Variants in ARFGEF3 observed in about 807,000 individuals in gnomAD.
ARFGEF3 encodes the protein brefeldin A-inhibited guanine nucleotide-exchange protein 3.
A neutral mutation model predicts 221.7 loss-of-function variants in ARFGEF3; 96 were observed. The observed-to-expected ratio is 0.43, with a 90% confidence interval of 0.37 to 0.51. ARFGEF3 has a LOEUF of 0.51. ARFGEF3 is among the 20% of genes least tolerant of loss of function. ARFGEF3 has a pLI of 0.00. For missense variants in ARFGEF3, 2,410 were observed against 2,789.9 expected (o/e 0.86, Z 3.07); for synonymous variants, 1,145 against 1,126.8 (o/e 1.02, Z -0.32).
chr6:138,319,585 T>C (rs1416923712), intron 27 of ARFGEF3, 118 bp from the exon 28 acceptor site: 1 of 705,180 alleles, frequency 1.4e-6, no homozygotes, highest in African/African-American at 1.8e-5. Flanking sequence ...TAAATTATTT[T>C]TCCCTGCACT....
At chr6:138,226,723 T>C (rs1050559821) in intron 4 of ARFGEF3, among the ~76,000 whole-genome samples, 4 of 152,240 alleles carry the variant, frequency 2.6e-5, no homozygotes, top group African/African-American at 7.2e-5. Context: ...CATTATGCAA[T>C]GGAAGTCAGA....
intron 12 of ARFGEF3, among the ~76,000 whole-genome samples, chr6:138,264,387 T>A (rs1196532925): frequency 1.3e-5 from 2 of 152,106 alleles, no homozygotes; most frequent in Admixed American, 1.3e-4. Context: ...AAATTTATGG[T>A]GGGAATAAAT....
rs763903484 is a variant in ARFGEF3 at position 138,263,623 on chromosome 6, A to G, written c.2128+12A>G. ...TACTTTCTGCTCAGGTTTGTAAACA[A>G]TTCTCTGCTGTATAGTCAACAAGAT... On this transcript the variant is annotated intron_variant, in intron 12 of 33. Transcript: ENST00000251691. 3 of 1,583,918 alleles carry G rather than the reference A, an allele frequency of 1.9e-6. No individual in the cohort carries two copies. Among genetic ancestry groups the G allele is most frequent in the Non-Finnish European group, 2.6e-6 (3 of 1,166,930 alleles).
chr6:138,246,131 T>C (rs114590665), intron 8 of ARFGEF3, among the ~76,000 whole-genome samples: 1,565 of 152,338 alleles, frequency 0.01, 21 homozygotes, highest in African/African-American at 0.035. Context: ...AATATCTGAG[T>C]TCACTTAGGT....
intron 22 of ARFGEF3, among the ~76,000 whole-genome samples, chr6:138,305,027 A>C (rs1423807666): frequency 3.9e-5 from 6 of 152,052 alleles, no homozygotes; most frequent in Non-Finnish European, 8.8e-5. Context: ...GCAATAATTA[A>C]ATCAGTTCTT....
intron 4 of ARFGEF3, among the ~76,000 whole-genome samples, chr6:138,226,677 C>T (rs972198758): frequency 7.9e-5 from 12 of 152,168 alleles, no homozygotes; most frequent in Admixed American, 7.2e-4. Flanking sequence ...ATGGGGCCAG[C>T]GTGCTCAGAA....
Position 138,243,521 on chromosome 6 carries a change from C to A in ARFGEF3, c.586+527C>A, listed in dbSNP as rs369689990. Among the ~76,000 whole-genome samples the A allele has an allele frequency of 3.9e-5, 6 of 152,032 alleles. No homozygotes were observed. The East Asian group carries it at 1.2e-3, about 29-fold the overall frequency. On this transcript the variant is annotated intron_variant, in intron 7 of 33. Coordinates refer to ENST00000251691, the MANE Select transcript of ARFGEF3 (RefSeq NM_020340.5). The stretch of plus-strand genomic sequence containing the variant: ...CAGGAAAAGAAAAAATATAGAAGTC[C>A]ACATATATAATTAACCAGCAATTTA...
Position 138,200,060 on chromosome 6 carries a change from A to G in ARFGEF3, c.138-6982A>G, listed in dbSNP as rs80220513. On this transcript the variant is annotated intron_variant, in intron 2 of 33. Coordinates refer to ENST00000251691, the MANE Select transcript of ARFGEF3 (RefSeq NM_020340.5). ...ATTAAGGTATGTCCCCTGTATGCCA[A>G]TTTTGCTGAGGGTTTTAATCATAAA... Among the ~76,000 whole-genome samples the G allele has an allele frequency of 9.7e-3, 1,477 of 152,250 alleles. 30 individuals are homozygous for G. Among genetic ancestry groups the G allele is most frequent in the African/African-American group, 0.033 (1,381 of 41,524 alleles).
chr6:138,217,582 T>A (rs1393515575), intron 4 of ARFGEF3: 1 of 161,928 alleles, frequency 6.2e-6, no homozygotes, highest in East Asian at 1.8e-4. Context: ...CTTGAACATT[T>A]CACTAGTTAC....
Position 138,210,042 on chromosome 6 carries a change from G to A in ARFGEF3, c.351+1G>A. On this transcript the variant is annotated splice_donor_variant, in intron 4 of 33. Transcript: ENST00000251691. LOFTEE classifies it high-confidence loss of function. ...GGACCTGCAGGTGGAAGTGATGAAG[G>A]TTGGTTTGACGTGGCCAAGAGTGTG... 1 of 1,613,392 alleles carries A rather than the reference G, an allele frequency of 6.2e-7. No individual in the cohort carries two copies. The highest frequency in any genetic ancestry group is 8.5e-7 in the Non-Finnish European group (1 of 1,179,600).
At chr6:138,217,132 A>AT (rs1311642741) in intron 4 of ARFGEF3, 6 of 152,098 alleles carry the variant, frequency 3.9e-5, no homozygotes, top group African/African-American at 1.4e-4. Flanking sequence ...TGAGATGGAG[A>AT]TTTTCATATT....
At chr6:138,193,495 A>AT (rs1479740614) in intron 2 of ARFGEF3, among the ~76,000 whole-genome samples, 1 of 152,214 alleles carries the variant, frequency 6.6e-6, no homozygotes, top group Non-Finnish European at 1.5e-5. Flanking sequence ...TGTGTCTAAC[A>AT]TTTCACACAG....
chr6:138,319,610 A>G (rs576508834), intron 27 of ARFGEF3, 93 bp from the exon 28 acceptor site: 21 of 839,890 alleles, frequency 2.5e-5, no homozygotes, highest in Non-Finnish European at 7.4e-6. Flanking sequence ...CAGCAAATGT[A>G]GGGATCCTTC....
chr6:138,194,866 G>A (rs1419367618), intron 2 of ARFGEF3, among the ~76,000 whole-genome samples: 2 of 152,002 alleles, frequency 1.3e-5, no homozygotes, highest in Non-Finnish European at 2.9e-5. Flanking sequence ...GAGGAATTCA[G>A]GAAGGATGAC....
Position 138,263,167 on chromosome 6 carries a change from G to A in ARFGEF3, c.1684G>A (p.Val562Ile). Reference protein sequence around the residue: ...LETEAVDQPDVVQRSHTVPYP... With the variant: ...LETEAVDQPDIVQRSHTVPYP... ...AACAGAGGCGGTAGACCAGCCAGAT[G>A]TCGTGCAGAGAAGCCACACGGTCCC... Residue 562 changes from valine (V) to isoleucine (I), a missense_variant, in exon 12 of 34, where the codon GTC (valine) becomes ATC (isoleucine). Val to Ile is a conservative substitution (Grantham distance 29, BLOSUM62 3). Transcript: ENST00000251691. 6.2e-7 allele frequency: 1 copy of A among 1,614,020 alleles called. No individual in the cohort carries two copies. Among genetic ancestry groups the A allele is most frequent in the Non-Finnish European group, 8.5e-7 (1 of 1,179,890 alleles).
intron 4 of ARFGEF3, among the ~76,000 whole-genome samples, chr6:138,224,750 G>A (rs775162633): frequency 6.6e-6 from 1 of 152,202 alleles, no homozygotes. Flanking sequence ...GTGTGTGTGT[G>A]CGTGTATGTG....
At chr6:138,282,409 T>G (rs1275765587) in intron 14 of ARFGEF3, among the ~76,000 whole-genome samples, 1 of 152,202 alleles carries the variant, frequency 6.6e-6, no homozygotes, top group Non-Finnish European at 1.5e-5. Flanking sequence ...GGCAAGACAG[T>G]CCAACTGGGG....
chr6:138,260,132 G>C (rs1583036351), intron 10 of ARFGEF3, among the ~76,000 whole-genome samples: 1 of 152,132 alleles, frequency 6.6e-6, no homozygotes, highest in African/African-American at 2.4e-5. Context: ...GAGAGAGAGA[G>C]GGAAAGAGAG....
intron 6 of ARFGEF3, among the ~76,000 whole-genome samples, chr6:138,242,060 T>G (rs1033417612): frequency 3.3e-5 from 5 of 152,358 alleles, no homozygotes; most frequent in African/African-American, 1.2e-4. Flanking sequence ...TGACATAACA[T>G]TTCGCAAAAG....
Sources: gnomAD v4.1 joint callset for allele counts (sites outside exome capture counted in the v4.1 genomes callset) on GRCh38, gnomAD v4.1.1 for gene constraint, MANE v1.5 for transcripts, NCBI Gene and HGNC (gene_info 2026-07-23, HGNC 2026-07-21) for gene names.